Variants in ZC2HC1B observed in about 807,000 individuals in gnomAD.
The protein encoded by ZC2HC1B is zinc finger C2HC domain-containing protein 1B.
A neutral mutation model predicts 31.0 loss-of-function variants in ZC2HC1B; 36 were observed. The observed-to-expected ratio is 1.16, with a 90% CI of 0.89 to 1.54. The LOEUF (loss-of-function observed/expected upper bound fraction) is 1.54. Ranked by LOEUF, ZC2HC1B falls within the 40% of genes most tolerant of loss-of-function variation. The pLI, the probability that ZC2HC1B is intolerant of heterozygous loss-of-function variation, is 0.00. For synonymous variants in ZC2HC1B, 73 were observed against 88.0 expected, an observed-to-expected ratio of 0.83 and a Z score of 0.95; for missense variants, 260 against 268.6, an observed-to-expected ratio of 0.97 and a Z score of 0.22.
At position 143,872,799 on chromosome 6, in the gene ZC2HC1B, GC is replaced by G. The variant is rs1698679208; in HGVS notation, c.28+8237del. On this transcript the variant is annotated intron_variant, in intron 1 of 7. Coordinates refer to ENST00000237275, the MANE Select transcript of ZC2HC1B (RefSeq NM_001013623.3). This position sits in a 1 kb window ranked among gnomAD's most constrained non-coding sequence, Gnocchi z 5.5. The stretch of plus-strand genomic sequence containing the variant: ...CATAAGAATAGCATGGGAAAGACCG[GC>G]CCCCATTTAGTTATCTTCCTCTGGG... Among the ~76,000 whole-genome samples, 1 of 152,072 alleles carries G rather than the reference GC, an allele frequency of 6.6e-6. No homozygotes were observed. The highest frequency in any genetic ancestry group is 2.4e-5 in the African/African-American group (1 of 41,398).
intron 6 of ZC2HC1B, among the ~76,000 whole-genome samples, chr6:143,930,261 T>C (rs879058184): frequency 5.9e-5 from 9 of 152,092 alleles, no homozygotes; most frequent in Non-Finnish European, 1.2e-4. Flanking sequence ...GGTTTTGATA[T>C]GTTGTGTCTC....
At chr6:143,897,516 A>G (rs1250860088) in intron 4 of ZC2HC1B, among the ~76,000 whole-genome samples, 4 of 151,746 alleles carry the variant, frequency 2.6e-5, no homozygotes, top group Non-Finnish European at 5.9e-5. Flanking sequence ...ATTATACAGA[A>G]CCACAGAGAA....
intron 4 of ZC2HC1B, among the ~76,000 whole-genome samples, chr6:143,896,538 T>G (rs1777667968): frequency 6.6e-6 from 1 of 152,246 alleles, no homozygotes; most frequent in Admixed American, 6.5e-5. Context: ...CAGTTTCACT[T>G]CTATTTGGTA....
chr6:143,867,881 T>A (rs1158844283), intron 1 of ZC2HC1B, among the ~76,000 whole-genome samples: 1 of 152,190 alleles, frequency 6.6e-6, no homozygotes, highest in East Asian at 1.9e-4. Context: ...TATAATTGCC[T>A]TTTCCTATAT....
At chr6:143,878,337 G>A (rs949720478) in intron 1 of ZC2HC1B, among the ~76,000 whole-genome samples, 5 of 150,586 alleles carry the variant, frequency 3.3e-5, no homozygotes, top group Non-Finnish European at 7.4e-5. Flanking sequence ...TGTTAGCCAG[G>A]TGTGGTGGTG....
At chr6:143,901,037 C>T (rs1777731680) in intron 5 of ZC2HC1B, among the ~76,000 whole-genome samples, 1 of 151,814 alleles carries the variant, frequency 6.6e-6, no homozygotes, top group South Asian at 2.1e-4. Context: ...TGGAGTTTCA[C>T]CATGTTGGCC....
At chr6:143,907,573 G>T (rs1180102382) in intron 6 of ZC2HC1B, among the ~76,000 whole-genome samples, 1 of 152,168 alleles carries the variant, frequency 6.6e-6, no homozygotes, top group Non-Finnish European at 1.5e-5. Context: ...CTGCATGTAT[G>T]TCTTCTTTTG....
chr6:143,891,024 G>A (rs1184296124), intron 4 of ZC2HC1B, among the ~76,000 whole-genome samples: 2 of 151,648 alleles, frequency 1.3e-5, no homozygotes, highest in East Asian at 1.9e-4. Flanking sequence ...CCAGTTACTC[G>A]GGAGGCTGAG....
At chr6:143,901,600 C>T (rs1241431043) in intron 5 of ZC2HC1B, among the ~76,000 whole-genome samples, 4 of 151,946 alleles carry the variant, frequency 2.6e-5, no homozygotes, top group Non-Finnish European at 5.9e-5. Flanking sequence ...TAAACTTGGC[C>T]GAGTTACTTA....
intron 1 of ZC2HC1B, among the ~76,000 whole-genome samples, chr6:143,879,255 T>C (rs1180346145): frequency 6.6e-6 from 1 of 152,200 alleles, no homozygotes; most frequent in Non-Finnish European, 1.5e-5. Context: ...GTCCTCCAAG[T>C]CAGTTACAAT....
At position 143,899,769 on chromosome 6, in the gene ZC2HC1B, T is replaced by C. The variant is rs1253066213; in HGVS notation, c.489+1078T>C. 6.6e-6 allele frequency among the ~76,000 whole-genome samples: 1 copy of C among 152,222 alleles called. No homozygotes were observed. The highest frequency in any genetic ancestry group is 2.4e-5 in the African/African-American group (1 of 41,464). ...AGCGGATCCCACAGACTGTGGATCC[T>C]GAGCGCTATCCCCTTAAGCATTAGA... On this transcript the variant is annotated intron_variant, in intron 5 of 7. Transcript: ENST00000237275. This position sits in a 1 kb window ranked among gnomAD's most constrained non-coding sequence, Gnocchi z 5.0.
rs1777911902 is a variant in ZC2HC1B at position 143,915,969 on chromosome 6, T to G, written c.598+12817T>G. Among the ~76,000 whole-genome samples, 1 of 152,166 alleles carries G rather than the reference T, an allele frequency of 6.6e-6. No homozygotes were observed. Among genetic ancestry groups the G allele is most frequent in the African/African-American group, 2.4e-5 (1 of 41,442 alleles). ...AACTGGCTGCAGAAATTTGTATAGG[T>G]AATGAGGAGCTGAATGTTAGTCCCC... is the stretch of plus-strand genomic sequence containing the variant. On this transcript the variant is annotated intron_variant, in intron 6 of 7. Coordinates refer to ENST00000237275, the MANE Select transcript of ZC2HC1B (RefSeq NM_001013623.3). This position sits in a 1 kb window ranked among gnomAD's most constrained non-coding sequence, Gnocchi z 5.2.
chr6:143,925,435 CA>C (rs1409789363), intron 6 of ZC2HC1B, among the ~76,000 whole-genome samples: 2 of 151,832 alleles, frequency 1.3e-5, no homozygotes, highest in Non-Finnish European at 1.5e-5. Flanking sequence ...TACGGCCTCC[CA>C]AAGTGCTGAG....
intron 4 of ZC2HC1B, among the ~76,000 whole-genome samples, chr6:143,897,980 TTTTC>T (rs778762667): frequency 3.3e-5 from 5 of 152,224 alleles, no homozygotes; most frequent in African/African-American, 7.2e-5. Flanking sequence ...TTAAGATTAA[TTTTC>T]TTTGTTTTTC....
At chr6:143,882,334 TTATATATATATATA>T (rs59777839) in intron 1 of ZC2HC1B, among the ~76,000 whole-genome samples, 6 of 85,534 alleles carry the variant, frequency 7.0e-5, no homozygotes, top group African/African-American at 2.5e-4. Context: ...TTTATATTTT[TTATATATATATATA>T]TATATATATA....
chr6:143,888,585 T>C (rs895276595), intron 4 of ZC2HC1B, among the ~76,000 whole-genome samples: 1 of 152,048 alleles, frequency 6.6e-6, no homozygotes, highest in Non-Finnish European at 1.5e-5. Context: ...AATATTGTAG[T>C]TTTCAATGGA....
At chr6:143,927,459 T>G (rs923925065) in intron 6 of ZC2HC1B, among the ~76,000 whole-genome samples, 1 of 152,210 alleles carries the variant, frequency 6.6e-6, no homozygotes, top group South Asian at 2.1e-4. Context: ...AATCCATACA[T>G]GTAGCTGCAA....
chr6:143,864,957 T>G (rs1777238130), intron 1 of ZC2HC1B, among the ~76,000 whole-genome samples: 1 of 152,216 alleles, frequency 6.6e-6, no homozygotes, highest in South Asian at 2.1e-4. Context: ...TAATAGGCAT[T>G]GGATGTTTCT....
rs936998700 is a variant in ZC2HC1B, at chr6:143,887,262, A to G, written c.349+441A>G. On this transcript the variant is annotated intron_variant, in intron 4 of 7. Transcript: ENST00000237275. The surrounding 1 kb of genome is among the most constrained non-coding windows in gnomAD (Gnocchi z 5.1). ...TTTTTACTGGAAACATTTTATTTGA[A>G]AATTTAAAAATCTACAGAAAAGAGG... is the stretch of plus-strand genomic sequence containing the variant. Among the ~76,000 whole-genome samples the G allele has an allele frequency of 3.3e-5, 5 of 152,194 alleles. No individual in the cohort carries two copies. The highest frequency in any genetic ancestry group is 7.3e-5 in the Non-Finnish European group (5 of 68,032).
Sources: gnomAD v4.1 joint callset for allele counts (sites outside exome capture counted in the v4.1 genomes callset) on GRCh38, gnomAD v4.1.1 for gene constraint, Gnocchi (gnomAD v3.1) non-coding constraint, MANE v1.5 for transcripts, NCBI Gene and HGNC (gene_info 2026-07-23, HGNC 2026-07-21) for gene names.